TMOD1: variants seen among roughly 807,000 people sequenced by gnomAD.
TMOD1 encodes tropomodulin-1.
Under a neutral mutation model 40.6 loss-of-function variants are expected in TMOD1, and 17 were observed. The observed-to-expected ratio is 0.42, with a 90% CI of 0.29 to 0.63. The LOEUF (loss-of-function observed/expected upper bound fraction) is 0.63, where lower values mean the gene tolerates loss of function less well. TMOD1 is among the 20% of genes least tolerant of loss of function. The probability of loss-of-function intolerance (pLI) is 0.22; values close to 1 mark genes in which losing one functional copy is unlikely to be tolerated. For synonymous variants in TMOD1, 181 were observed against 175.0 expected (o/e 1.03, Z -0.27); for missense variants, 391 against 447.6 (o/e 0.87, Z 1.14).
chr9:97,530,285 C>T (rs1391221385), intron 2 of TMOD1, among the ~76,000 whole-genome samples: 1 of 152,178 alleles, frequency 6.6e-6, no homozygotes, highest in African/African-American at 2.4e-5. Context: ...ATTTTTTAAA[C>T]TGTCTCAGTA....
chr9:97,522,080 G>A (rs1208337328), intron 1 of TMOD1, among the ~76,000 whole-genome samples: 5 of 152,178 alleles, frequency 3.3e-5, no homozygotes, highest in Middle Eastern at 3.2e-3. Context: ...AAATACGTAC[G>A]TTGCTGTGAA....
intron 1 of TMOD1, among the ~76,000 whole-genome samples, chr9:97,506,637 A>G (rs1281730258): frequency 1.3e-5 from 2 of 152,236 alleles, no homozygotes; most frequent in African/African-American, 4.8e-5. Flanking sequence ...AGCTCATTTG[A>G]AATTCACAGT....
chr9:97,600,346 G>A lies in TMOD1; in HGVS notation c.*648G>A. 1.0e-6 allele frequency: 1 copy of A among 986,068 alleles called. No individual in the cohort carries two copies. The highest frequency in any genetic ancestry group is 4.7e-5 in the South Asian group (1 of 21,292). The allele number at this position is 986,068 out of a possible 1,614,324, so 61.1% of individuals were successfully genotyped here. A position where few individuals can be genotyped will look rare whatever the true frequency, so the allele number is the denominator to read the frequency against. ...AAAAAAACCAATGGTGAAATTTCAA[G>A]TTTCAAAAACCAACCTTTCATTACC... On this transcript the variant is annotated 3_prime_UTR_variant, in exon 10 of 10. Transcript: ENST00000259365.
At position 97,503,401 on chromosome 9, in the gene TMOD1, G is replaced by GT. The variant is rs1020186192; in HGVS notation, c.-49+1605dup. Among the ~76,000 whole-genome samples, 4 of 152,104 alleles carry GT rather than the reference G, an allele frequency of 2.6e-5. No individual in the cohort carries two copies. The East Asian group carries it at 5.8e-4, about 22-fold the overall frequency. ...GCTTCTACTTTACTTTCTGTTATGT[G>GT]TTTTTTTCTAAAGCCATCTCAAAGA... On this transcript the variant is annotated intron_variant, in intron 1 of 9. Transcript: ENST00000259365.
chr9:97,541,278 C>T (rs1316141604), intron 2 of TMOD1, among the ~76,000 whole-genome samples: 5 of 152,168 alleles, frequency 3.3e-5, no homozygotes, highest in Non-Finnish European at 7.3e-5. Flanking sequence ...ATCTCTGCCT[C>T]CTAAGTTCAA....
intron 2 of TMOD1, among the ~76,000 whole-genome samples, chr9:97,545,877 G>A (rs577876075): frequency 1.3e-5 from 2 of 152,276 alleles, no homozygotes; most frequent in Admixed American, 1.3e-4. Flanking sequence ...ACTGGAGTCG[G>A]CTGCCTTGAC....
intron 9 of TMOD1, among the ~76,000 whole-genome samples, chr9:97,596,758 A>ATT (rs1826121161): frequency 6.6e-6 from 1 of 152,202 alleles, no homozygotes; most frequent in Non-Finnish European, 1.5e-5. Context: ...GCTTACCCTT[A>ATT]GAGGGTCTTT....
At chr9:97,551,016 T>TATA (rs1563987965) in intron 3 of TMOD1, among the ~76,000 whole-genome samples, 20 of 5,532 alleles carry the variant, frequency 3.6e-3, no homozygotes, top group African/African-American at 0.016. Context: ...ATATATATAT[T>TATA]TTTTTTTTTT....
chr9:97,590,916 T>A (rs1042844554), intron 8 of TMOD1, among the ~76,000 whole-genome samples: 2 of 152,204 alleles, frequency 1.3e-5, no homozygotes, highest in Non-Finnish European at 2.9e-5. Context: ...AGATTCTGAT[T>A]CAGGTAGTTT....
chr9:97,548,918 C>T (rs1830408352), intron 3 of TMOD1, among the ~76,000 whole-genome samples: 1 of 152,160 alleles, frequency 6.6e-6, no homozygotes, highest in African/African-American at 2.4e-5. Context: ...CTGGCAGGCT[C>T]AGGGCCATTC....
chr9:97,590,961 T>A (rs1193083617), intron 8 of TMOD1, among the ~76,000 whole-genome samples: 1 of 152,212 alleles, frequency 6.6e-6, no homozygotes, highest in Non-Finnish European at 1.5e-5. Context: ...TTTAAAAGTC[T>A]CCTTAGGACT....
intron 9 of TMOD1, among the ~76,000 whole-genome samples, chr9:97,592,892 A>C (rs1357477443): frequency 1.3e-5 from 2 of 152,210 alleles, no homozygotes; most frequent in Admixed American, 1.3e-4. Context: ...AGAAAAGCCC[A>C]TTTTTTAAAA....
chr9:97,553,359 C>A lies in TMOD1; in HGVS notation c.356C>A (p.Ala119Asp). The A allele has an allele frequency of 1.2e-6, 2 of 1,614,172 alleles. No homozygotes were observed. The highest frequency in any genetic ancestry group is 3.3e-5 in the Admixed American group (2 of 60,008). ...ACGCTGGAACCGGAGCTGGAGGAAG[C>A]CTTGGCAAATGCTTCAGATGCAGAA... The part of the protein sequence containing the change: ...SVTLEPELEE[A>D]LANASDAELC... Residue 119 changes from alanine to aspartate, a missense_variant, in exon 4 of 10, where the codon GCC becomes GAC. Coordinates refer to ENST00000259365, the MANE Select transcript of TMOD1 (RefSeq NM_003275.4).
Position 97,557,455 on chromosome 9 carries a change from AC to A in TMOD1, c.397+4060del, listed in dbSNP as rs1019109802. Among the ~76,000 whole-genome samples the A allele has an allele frequency of 1.1e-4, 16 of 152,020 alleles. No individual in the cohort carries two copies. Among genetic ancestry groups the A allele is most frequent in the African/African-American group, 3.9e-4 (16 of 41,378 alleles). On this transcript the variant is annotated intron_variant, in intron 4 of 9. Transcript: ENST00000259365. This position sits in a 1 kb window ranked among gnomAD's most constrained non-coding sequence, Gnocchi z 4.4. ...TAGATGGGACAGCCTCGGGCCACTC[AC>A]CCCCAAGGGCAGTTGGCAACCTGGG...
chr9:97,505,941 C>A (rs1370988560), intron 1 of TMOD1, among the ~76,000 whole-genome samples: 1 of 152,134 alleles, frequency 6.6e-6, no homozygotes, highest in East Asian at 1.9e-4. Flanking sequence ...CAATTGTCTC[C>A]CTTCAGGGAC....
chr9:97,596,490 C>T (rs1826114702), intron 9 of TMOD1, among the ~76,000 whole-genome samples: 1 of 152,172 alleles, frequency 6.6e-6, no homozygotes, highest in Non-Finnish European at 1.5e-5. Flanking sequence ...CTCCCCACAA[C>T]CAGGTGAGAC....
At chr9:97,538,692 T>C (rs1587929073) in intron 2 of TMOD1, among the ~76,000 whole-genome samples, 1 of 152,162 alleles carries the variant, frequency 6.6e-6, no homozygotes, top group Admixed American at 6.6e-5. Context: ...TGAATAACTA[T>C]GTGTAATTAA....
chr9:97,521,300 T>G (rs1467693637), intron 1 of TMOD1, among the ~76,000 whole-genome samples: 1 of 152,150 alleles, frequency 6.6e-6, no homozygotes, highest in East Asian at 1.9e-4. Flanking sequence ...ATACCAACAT[T>G]TTTGAAGAAG....
chr9:97,555,289 T>G, intron 4 of TMOD1: 3 of 945,670 alleles, frequency 3.2e-6, no homozygotes, highest in Admixed American at 5.0e-5. Flanking sequence ...GGCAGGGAGG[T>G]GGCTGATGCC....
Sources: allele counts gnomAD v4.1 joint callset (sites outside exome capture counted in the v4.1 genomes callset), GRCh38; gene constraint gnomAD v4.1.1; non-coding constraint Gnocchi (gnomAD v3.1); transcripts MANE v1.5; gene names NCBI Gene and HGNC (gene_info 2026-07-23, HGNC 2026-07-21).